NR2F1-AS1: variants seen among roughly 807,000 people sequenced by gnomAD.
The protein encoded by NR2F1-AS1 is NR2F1 regulatory antisense RNA 1, also known as NR2F1 antisense RNA 1.
At chr5:93,518,533 T>C (rs1272309395) in intron 4 of NR2F1-AS1, among the ~76,000 whole-genome samples, 4 of 152,166 alleles carry the variant, frequency 2.6e-5, no homozygotes, top group African/African-American at 9.6e-5. Flanking sequence ...ATTTCAGAAA[T>C]AAGATATGAA....
chr5:93,463,429 C>A (rs1363176031), intron 4 of NR2F1-AS1, among the ~76,000 whole-genome samples: 8 of 152,214 alleles, frequency 5.3e-5, no homozygotes, highest in Non-Finnish European at 8.8e-5. Context: ...TCATGGAGAA[C>A]CTCTGCTTGG....
intron 4 of NR2F1-AS1, among the ~76,000 whole-genome samples, chr5:93,485,660 T>C (rs1750697844): frequency 1.3e-5 from 2 of 152,090 alleles, no homozygotes; most frequent in Admixed American, 1.3e-4. Context: ...AAAAAGTCAA[T>C]GAATTGACTG....
At chr5:93,413,312 C>T (rs2149839357) in intron 4 of NR2F1-AS1, among the ~76,000 whole-genome samples, 1 of 151,872 alleles carries the variant, frequency 6.6e-6, no homozygotes, top group East Asian at 1.9e-4. Context: ...TACCCAAGCC[C>T]ATCCTCAAGG....
intron 4 of NR2F1-AS1, among the ~76,000 whole-genome samples, chr5:93,510,916 G>T (rs1006012875): frequency 2.6e-5 from 4 of 152,118 alleles, no homozygotes; most frequent in Admixed American, 1.3e-4. Flanking sequence ...ACATAATAAG[G>T]CTTTGGGTTA....
At chr5:93,496,584 A>G (rs992100726) in intron 4 of NR2F1-AS1, among the ~76,000 whole-genome samples, 16 of 152,274 alleles carry the variant, frequency 1.1e-4, no homozygotes, top group Admixed American at 1.0e-3. Flanking sequence ...AAACAAATAA[A>G]CATGTTTTCT....
At position 93,501,231 on chromosome 5, in the gene NR2F1-AS1, G is replaced by A. The variant is rs139319469; in HGVS notation, n.638+52530C>T. On this transcript the variant is annotated intron_variant and non_coding_transcript_variant, in intron 4 of 5. Coordinates refer to ENST00000660523, the Ensembl canonical transcript of NR2F1-AS1. ...AGCCTAAAGATGTGACTGAATTGCT[G>A]TAATCTTACGATAAAACTTTTAAAA... 2.3e-3 allele frequency among the ~76,000 whole-genome samples: 354 copies of A among 151,148 alleles called. 2 individuals carry two copies. The highest frequency in any genetic ancestry group is 8.1e-3 in the African/African-American group (335 of 41,322).
chr5:93,566,174 G>A (rs1254103592), intron 1 of NR2F1-AS1, among the ~76,000 whole-genome samples: 2 of 151,732 alleles, frequency 1.3e-5, no homozygotes, highest in Non-Finnish European at 2.9e-5. Flanking sequence ...AGAAAGTACA[G>A]GTCATTCAGC....
intron 4 of NR2F1-AS1, among the ~76,000 whole-genome samples, chr5:93,530,742 C>A (rs779402484): frequency 6.6e-6 from 1 of 152,136 alleles, no homozygotes; most frequent in Non-Finnish European, 1.5e-5. Context: ...ACAAAGAGTT[C>A]TTCAGTCCTA....
At chr5:93,433,613 C>T (rs775293401) in intron 4 of NR2F1-AS1, among the ~76,000 whole-genome samples, 20 of 152,178 alleles carry the variant, frequency 1.3e-4, no homozygotes, top group Non-Finnish European at 1.3e-4. Flanking sequence ...TTATGTAGCA[C>T]ATGACTGTAT....
intron 4 of NR2F1-AS1, among the ~76,000 whole-genome samples, chr5:93,439,235 A>G (rs1333646324): frequency 6.6e-6 from 1 of 152,242 alleles, no homozygotes; most frequent in East Asian, 1.9e-4. Context: ...TTGTTATTAG[A>G]TTTTTGAATG....
intron 1 of NR2F1-AS1, among the ~76,000 whole-genome samples, chr5:93,573,862 A>C (rs1752834186): frequency 6.6e-6 from 1 of 152,122 alleles, no homozygotes; most frequent in Non-Finnish European, 1.5e-5. Flanking sequence ...GGCGGCTTAC[A>C]AGCACCACAG....
At chr5:93,482,659 C>T (rs1353325231) in intron 4 of NR2F1-AS1, among the ~76,000 whole-genome samples, 1 of 152,178 alleles carries the variant, frequency 6.6e-6, no homozygotes, top group Non-Finnish European at 1.5e-5. Flanking sequence ...TCTAGCTCAG[C>T]AGACCCCAGC....
At chr5:93,548,286 C>CA (rs914971839) in intron 4 of NR2F1-AS1, among the ~76,000 whole-genome samples, 17 of 150,920 alleles carry the variant, frequency 1.1e-4, no homozygotes, top group Admixed American at 7.9e-4. Flanking sequence ...TTTATGTGGT[C>CA]AAAAAAAAAT....
At chr5:93,414,710 A>G (rs1342089260) in intron 4 of NR2F1-AS1, among the ~76,000 whole-genome samples, 1 of 152,214 alleles carries the variant, frequency 6.6e-6, no homozygotes, top group Non-Finnish European at 1.5e-5. Context: ...CCAGAATACC[A>G]TGGGCTGTTA....
In NR2F1-AS1 at chr5:93,480,805, T is replaced by C. The variant is rs116471612; in HGVS notation, n.638+72956A>G. Among the ~76,000 whole-genome samples, 550 of 152,182 alleles carry C rather than the reference T, an allele frequency of 3.6e-3. 5 individuals are homozygous for C. The highest frequency in any genetic ancestry group is 0.013 in the African/African-American group (539 of 41,546). ...TATGCTGCTGAAGTTAAGAACTAGA[T>C]TGCTATAAATTTAGAATATTAACTG... On this transcript the variant is annotated intron_variant and non_coding_transcript_variant, in intron 4 of 5. Coordinates refer to ENST00000660523, the Ensembl canonical transcript of NR2F1-AS1.
chr5:93,455,843 G>GCA (rs148016646), intron 4 of NR2F1-AS1, among the ~76,000 whole-genome samples: 21,890 of 145,682 alleles, frequency 0.15, 2,090 homozygotes, highest in African/African-American at 0.28. Flanking sequence ...ACACACACAC[G>GCA]CACACACACA....
intron 4 of NR2F1-AS1, among the ~76,000 whole-genome samples, chr5:93,463,905 G>A (rs1377933889): frequency 6.6e-6 from 1 of 152,172 alleles, no homozygotes; most frequent in Non-Finnish European, 1.5e-5. Context: ...CAGGCTCATA[G>A]GCAGAAGGGA....
At chr5:93,505,731 T>C (rs1440929306) in intron 4 of NR2F1-AS1, among the ~76,000 whole-genome samples, 3 of 152,186 alleles carry the variant, frequency 2.0e-5, no homozygotes, top group African/African-American at 7.2e-5. Flanking sequence ...AGGCACCAAG[T>C]TCCTAGGCTG....
At chr5:93,518,394 C>A (rs1217355666) in intron 4 of NR2F1-AS1, among the ~76,000 whole-genome samples, 5 of 151,964 alleles carry the variant, frequency 3.3e-5, no homozygotes, top group East Asian at 1.9e-4. Flanking sequence ...TTGTATGGAA[C>A]CTTACAGTTT....
Sources: allele counts gnomAD v4.1 joint callset (sites outside exome capture counted in the v4.1 genomes callset), GRCh38; gene constraint gnomAD v4.1.1; transcripts MANE v1.5; gene names NCBI Gene and HGNC (gene_info 2026-07-23, HGNC 2026-07-21).